The following CLIC5 variants were observed in gnomAD, a reference collection of about 807,000 sequenced individuals.
CLIC5 encodes CLIC family member 5.
A neutral mutation model predicts 24.7 loss-of-function variants in CLIC5; 20 were observed. The observed-to-expected ratio is 0.81, with a 90% confidence interval of 0.57 to 1.18. CLIC5 has a LOEUF of 1.18. Ranked by LOEUF, CLIC5 falls within the 50% of genes most tolerant of loss-of-function variation. The pLI, the probability that CLIC5 is intolerant of heterozygous loss-of-function variation, is 0.00. For synonymous variants in CLIC5, 159 were observed against 135.6 expected, an observed-to-expected ratio of 1.17 and a Z score of -1.20; for missense variants, 341 against 326.1, an observed-to-expected ratio of 1.05 and a Z score of -0.35.
chr6:46,058,017 C>A (rs192111272), intron 1 of CLIC5, among the ~76,000 whole-genome samples: 1 of 152,116 alleles, frequency 6.6e-6, no homozygotes, highest in Admixed American at 6.5e-5. Flanking sequence ...TTTCTCCCTG[C>A]CCCTGAAAGA....
chr6:46,047,864 G>GTTTTTTCTCTACATGTGCA (rs1767996404), intron 1 of CLIC5, among the ~76,000 whole-genome samples: 1 of 151,996 alleles, frequency 6.6e-6, no homozygotes, highest in Admixed American at 6.6e-5. Flanking sequence ...AGTATTACAG[G>GTTTTTTCTCTACATGTGCA]TATATGTTAT....
chr6:46,105,561 T>C, the CLIC5 span, among the ~76,000 whole-genome samples: 1 of 152,330 alleles, frequency 6.6e-6, no homozygotes, highest in South Asian at 2.1e-4. Context: ...CTGTCTTTGA[T>C]ACCACATGAA....
intron 3 of CLIC5, among the ~76,000 whole-genome samples, chr6:45,948,008 AT>A (rs1394025333): frequency 6.6e-6 from 1 of 152,148 alleles, no homozygotes; most frequent in Non-Finnish European, 1.5e-5. Context: ...GGCAGTTTTA[AT>A]TTTTTAACAG....
chr6:45,941,767 G>A, intron 3 of CLIC5, 114 bp from the exon 4 acceptor site: 3 of 829,944 alleles, frequency 3.6e-6, no homozygotes, highest in Non-Finnish European at 4.1e-6. Context: ...TCTACAAAAT[G>A]TTTTGGGGGT....
At chr6:46,102,252 T>C in the CLIC5 span, among the ~76,000 whole-genome samples, 2 of 152,154 alleles carry the variant, frequency 1.3e-5, no homozygotes, top group Non-Finnish European at 1.5e-5. Context: ...AGAAATATGA[T>C]TGGACAATAA....
At chr6:45,889,899 A>G (rs1762335211) in intron 6 of CLIC5, among the ~76,000 whole-genome samples, 1 of 152,228 alleles carries the variant, frequency 6.6e-6, no homozygotes, top group Admixed American at 6.5e-5. Flanking sequence ...TATCTATTAA[A>G]AGTAGACCAG....
downstream of CLIC5, among the ~76,000 whole-genome samples, chr6:45,897,711 G>C (rs1203292859): frequency 3.9e-5 from 6 of 152,090 alleles, no homozygotes; most frequent in African/African-American, 1.4e-4. Flanking sequence ...TAAGGACTCT[G>C]GGAACCTGAA....
Position 45,996,120 on chromosome 6 carries a change from T to TAA in CLIC5, c.63+19358_63+19359dup, listed in dbSNP as rs59715080. 2.6e-3 allele frequency among the ~76,000 whole-genome samples: 336 copies of TAA among 128,408 alleles called. 6 individuals carry two copies. The highest frequency in any genetic ancestry group is 8.3e-3 in the African/African-American group (293 of 35,378). 84.2% of individuals were successfully genotyped at this position (128,408 alleles called of 152,430 possible). A position where few individuals can be genotyped will look rare whatever the true frequency, so the allele number is the denominator to read the frequency against. ...ACATCCTGCACATGTACCTCAGAAC[T>TAA]AAAAAAAAAAAAAAAATAGAAATGA... On this transcript the variant is annotated intron_variant, in intron 1 of 5. Transcript: ENST00000339561.
intron 1 of CLIC5, among the ~76,000 whole-genome samples, chr6:46,074,928 C>G (rs1289861632): frequency 6.6e-6 from 1 of 152,218 alleles, no homozygotes; most frequent in Non-Finnish European, 1.5e-5. Context: ...GACCACTGCT[C>G]TTTCCACAAT....
upstream of CLIC5, among the ~76,000 whole-genome samples, chr6:46,017,376 T>C (rs1308136897): frequency 6.6e-6 from 1 of 152,226 alleles, no homozygotes; most frequent in Non-Finnish European, 1.5e-5. Context: ...GCACTTTACA[T>C]GTGTGAACTT....
At chr6:45,995,545 G>T (rs1441893646) in intron 1 of CLIC5, among the ~76,000 whole-genome samples, 1 of 152,180 alleles carries the variant, frequency 6.6e-6, no homozygotes, top group African/African-American at 2.4e-5. Flanking sequence ...ATACTGGGTT[G>T]ACATTTCTGT....
At chr6:45,989,228 G>A (rs780191616) in intron 1 of CLIC5, among the ~76,000 whole-genome samples, 3 of 152,170 alleles carry the variant, frequency 2.0e-5, no homozygotes, top group Non-Finnish European at 4.4e-5. Context: ...GGTGTTTTAG[G>A]AGAACATTGT....
intron 1 of CLIC5, among the ~76,000 whole-genome samples, chr6:46,009,925 A>G (rs1378770500): frequency 1.3e-5 from 2 of 152,124 alleles, no homozygotes; most frequent in South Asian, 2.1e-4. Context: ...AGTCAGTCCA[A>G]CCACATTACT....
chr6:46,059,590 G>C (rs1762182431), intron 1 of CLIC5, among the ~76,000 whole-genome samples: 1 of 152,170 alleles, frequency 6.6e-6, no homozygotes, highest in Admixed American at 6.5e-5. Context: ...ACACATGCCA[G>C]GTATTGTGTT....
chr6:45,885,311 G>A (rs1221280374), intron 6 of CLIC5, among the ~76,000 whole-genome samples: 2 of 152,072 alleles, frequency 1.3e-5, no homozygotes, highest in Non-Finnish European at 1.5e-5. Flanking sequence ...GGTTATCACC[G>A]GAACCCAGCC....
chr6:45,975,115 A>T (rs1581812810), intron 1 of CLIC5, among the ~76,000 whole-genome samples: 2 of 152,260 alleles, frequency 1.3e-5, no homozygotes, highest in East Asian at 3.8e-4. Flanking sequence ...GAAAGAATAT[A>T]TGAAGAGGAA....
intron 4 of CLIC5, among the ~76,000 whole-genome samples, chr6:45,915,863 G>A (rs1054807196): frequency 5.9e-5 from 9 of 152,156 alleles, no homozygotes; most frequent in African/African-American, 1.9e-4. Context: ...ACATGGAGGA[G>A]ATGGCTGACC....
At chr6:45,940,653 T>A (rs1764097580) in intron 4 of CLIC5, among the ~76,000 whole-genome samples, 1 of 152,188 alleles carries the variant, frequency 6.6e-6, no homozygotes, top group Non-Finnish European at 1.5e-5. Context: ...TTGCTTGGCT[T>A]TGTGCTGGAC....
upstream of CLIC5, among the ~76,000 whole-genome samples, chr6:46,084,212 G>A (rs373664969): frequency 2.6e-5 from 4 of 152,118 alleles, no homozygotes; most frequent in East Asian, 5.8e-4. Flanking sequence ...ACCCTGATGG[G>A]TCTTGACTCT....
Sources: allele counts gnomAD v4.1 joint callset (sites outside exome capture counted in the v4.1 genomes callset), GRCh38; gene constraint gnomAD v4.1.1; transcripts MANE v1.5; gene names NCBI Gene and HGNC (gene_info 2026-07-23, HGNC 2026-07-21).